The following WWTR1 variants were observed in gnomAD, a reference collection of about 807,000 sequenced individuals.
WWTR1 encodes the protein WW domain containing transcription regulator 1.
WWTR1 carries 13 observed loss-of-function variants against 40.1 expected under a neutral mutation model. That is an observed-to-expected ratio of 0.32 (90% confidence interval 0.21 to 0.52). The LOEUF (loss-of-function observed/expected upper bound fraction) is 0.52, where lower values mean the gene tolerates loss of function less well. Among genes scored for constraint, WWTR1 ranks in the 20% least tolerant of loss-of-function variants. WWTR1 has a pLI of 0.97. For synonymous variants in WWTR1, 230 were observed against 210.1 expected (o/e 1.09, Z -0.82); for missense variants, 436 against 523.1 (o/e 0.83, Z 1.63).
At chr3:149,661,722 C>T (rs923850468), upstream of WWTR1, among the ~76,000 whole-genome samples, 2 of 149,018 alleles carry the variant, frequency 1.3e-5, no homozygotes, top group African/African-American at 2.5e-5. Flanking sequence ...CCATGCCCGG[C>T]CACAAATAAA....
At chr3:149,683,232 G>C (rs974628089) in intron 1 of WWTR1, among the ~76,000 whole-genome samples, 5 of 152,164 alleles carry the variant, frequency 3.3e-5, no homozygotes, top group Non-Finnish European at 7.3e-5. Flanking sequence ...GGCTCAGAAA[G>C]GTCAATGAGT....
At chr3:149,544,987 C>T (rs1260188787) in intron 3 of WWTR1, among the ~76,000 whole-genome samples, 1 of 152,178 alleles carries the variant, frequency 6.6e-6, no homozygotes, top group African/African-American at 2.4e-5. Context: ...CACCTCCTGG[C>T]ACAATCCCAG....
At chr3:149,631,428 T>C (rs1459959319) in intron 2 of WWTR1, among the ~76,000 whole-genome samples, 1 of 152,158 alleles carries the variant, frequency 6.6e-6, no homozygotes, top group Non-Finnish European at 1.5e-5. Flanking sequence ...CAAGCAAAGT[T>C]TGGATCAAAT....
intron 3 of WWTR1, among the ~76,000 whole-genome samples, chr3:149,553,003 C>T (rs1736676302): frequency 6.6e-6 from 1 of 152,198 alleles, no homozygotes; most frequent in Non-Finnish European, 1.5e-5. Context: ...ACACATTGAA[C>T]AGGGCCCAGC....
At chr3:149,686,572 T>A (rs946953034) in intron 1 of WWTR1, among the ~76,000 whole-genome samples, 3 of 152,118 alleles carry the variant, frequency 2.0e-5, no homozygotes, top group African/African-American at 7.2e-5. Flanking sequence ...AAGAAATCTT[T>A]CCCAAAGACC....
At chr3:149,525,719 A>ATT (rs11312622) in intron 6 of WWTR1, 193 of 171,870 alleles carry the variant, frequency 1.1e-3, no homozygotes, top group Middle Eastern at 4.3e-3. Flanking sequence ...GAAGCATTCC[A>ATT]TTTTTTTTTT....
rs1408807517 is a variant in WWTR1, at chr3:149,526,202, C to G, written c.906-77G>C. 22 of 1,157,878 alleles carry G rather than the reference C, an allele frequency of 1.9e-5. No individual in the cohort carries two copies. The Admixed American group carries it at 5.5e-4, about 29-fold the overall frequency. The allele number at this position is 1,157,878 out of a possible 1,614,324, so 71.7% of individuals were successfully genotyped here. On this transcript the variant is annotated intron_variant, in intron 5 of 6. Transcript: ENST00000360632. ...CAAAATTAAAACACAGTCACAAAAG[C>G]TCTAAACTAGTGCAGTTGTGCCATG...
intron 2 of WWTR1, among the ~76,000 whole-genome samples, chr3:149,610,929 A>C (rs949756019): frequency 2.6e-5 from 4 of 152,062 alleles, no homozygotes; most frequent in African/African-American, 9.7e-5. Context: ...GATCGCTTGA[A>C]GTCAGGAGTT....
At chr3:149,666,586 T>C (rs7652675) in intron 2 of WWTR1, among the ~76,000 whole-genome samples, 30,144 of 152,122 alleles carry the variant, frequency 0.2, 3,239 homozygotes, top group Admixed American at 0.3. Flanking sequence ...CATATTTATA[T>C]AATATTTTAC....
intron 1 of WWTR1, among the ~76,000 whole-genome samples, chr3:149,696,624 T>C (rs959333907): frequency 1.3e-5 from 2 of 152,206 alleles, no homozygotes; most frequent in Non-Finnish European, 2.9e-5. Context: ...ATTCTCATGA[T>C]CATTGCTGCA....
chr3:149,572,791 G>T, intron 3 of WWTR1, 73 bp downstream of exon 3: 1 of 1,544,714 alleles, frequency 6.5e-7, no homozygotes, highest in South Asian at 1.2e-5. Flanking sequence ...ACACCAGCCT[G>T]GGCAACAAAG....
intron 2 of WWTR1, among the ~76,000 whole-genome samples, chr3:149,589,622 C>A (rs1738601576): frequency 6.7e-6 from 1 of 148,886 alleles, no homozygotes; most frequent in Non-Finnish European, 1.5e-5. Flanking sequence ...TTACAGGATA[C>A]ATTTAGATTT....
At chr3:149,645,225 G>A (rs142221530) in intron 2 of WWTR1, among the ~76,000 whole-genome samples, 5,684 of 152,134 alleles carry the variant, frequency 0.037, 359 homozygotes, top group African/African-American at 0.13. Context: ...GACTACAGGT[G>A]CCCGCCACCA....
intron 5 of WWTR1, among the ~76,000 whole-genome samples, chr3:149,709,226 C>T (rs1348553143): frequency 2.6e-5 from 4 of 150,996 alleles, no homozygotes; most frequent in African/African-American, 7.3e-5. Flanking sequence ...CTGCCTGCCT[C>T]GACTTCCCAA....
intron 3 of WWTR1, among the ~76,000 whole-genome samples, chr3:149,549,231 C>T (rs957822782): frequency 6.6e-6 from 1 of 152,072 alleles, no homozygotes; most frequent in South Asian, 2.1e-4. Flanking sequence ...AGTTGGGGGG[C>T]AACATTACTG....
chr3:149,608,435 G>C (rs993221539), intron 2 of WWTR1, among the ~76,000 whole-genome samples: 2 of 151,708 alleles, frequency 1.3e-5, no homozygotes, highest in African/African-American at 4.8e-5. Flanking sequence ...ACCCAGGATG[G>C]AGTGCAGTGG....
intron 3 of WWTR1, among the ~76,000 whole-genome samples, chr3:149,566,812 GAA>G (rs1166961307): frequency 1.2e-4 from 13 of 109,114 alleles, no homozygotes; most frequent in South Asian, 3.1e-4. Context: ...GCCCTGAAAA[GAA>G]AAAAAAAAAA....
chr3:149,547,570 C>T (rs1193848483), intron 3 of WWTR1, among the ~76,000 whole-genome samples: 1 of 151,948 alleles, frequency 6.6e-6, no homozygotes, highest in Non-Finnish European at 1.5e-5. Flanking sequence ...AATGCAGTAT[C>T]TGAGGCCAAG....
At chr3:149,570,232 A>G (rs1737551430) in intron 3 of WWTR1, among the ~76,000 whole-genome samples, 1 of 152,216 alleles carries the variant, frequency 6.6e-6, no homozygotes, top group Non-Finnish European at 1.5e-5. Context: ...ATTGTTGGAA[A>G]AACCCCAGAA....
Sources: allele counts gnomAD v4.1 joint callset (sites outside exome capture counted in the v4.1 genomes callset), GRCh38; gene constraint gnomAD v4.1.1; transcripts MANE v1.5; gene names NCBI Gene and HGNC (gene_info 2026-07-23, HGNC 2026-07-21).